The following NAF1 variants were observed in gnomAD, a reference collection of about 807,000 sequenced individuals.
The protein encoded by NAF1 is H/ACA ribonucleoprotein complex non-core subunit NAF1.
A neutral mutation model predicts 40.6 loss-of-function variants in NAF1; 11 were observed. The observed-to-expected ratio is 0.27, with a 90% CI of 0.17 to 0.45. The LOEUF is 0.45. Ranked by LOEUF, NAF1 falls within the 20% of genes least tolerant of loss-of-function variation. The pLI is 1.00. For missense variants in NAF1, 607 were observed against 611.1 expected (o/e 0.99, Z 0.07); for synonymous variants, 260 against 228.5 (o/e 1.14, Z -1.24).
chr4:163,159,210 GC>G (rs1179126144), intron 2 of NAF1, among the ~76,000 whole-genome samples: 1 of 151,970 alleles, frequency 6.6e-6, no homozygotes, highest in Non-Finnish European at 1.5e-5. Flanking sequence ...CCTCATGTAA[GC>G]TTTATTGAAA....
At chr4:163,105,292 AT>A (rs1173200322), downstream of NAF1, among the ~76,000 whole-genome samples, 1 of 152,220 alleles carries the variant, frequency 6.6e-6, no homozygotes, top group Non-Finnish European at 1.5e-5. Flanking sequence ...AATTCAGATA[AT>A]AACAGCTCTA....
chr4:163,116,795 G>A (rs938849398), intron 2 of NAF1, among the ~76,000 whole-genome samples: 1 of 152,144 alleles, frequency 6.6e-6, no homozygotes, highest in Non-Finnish European at 1.5e-5. Flanking sequence ...ACACATAAAA[G>A]ATGCAAAATA....
rs201641463 is a variant in NAF1 at position 163,141,312 on chromosome 4, C to T, written c.718-929G>A. Among the ~76,000 whole-genome samples, 16 of 152,148 alleles carry T rather than the reference C, an allele frequency of 1.1e-4. No homozygotes were observed. The East Asian group carries it at 2.1e-3, about 20-fold the overall frequency. On this transcript the variant is annotated intron_variant, in intron 4 of 7. Coordinates refer to ENST00000274054, the MANE Select transcript of NAF1 (RefSeq NM_138386.3). ...CCAGGAGGCAGAGGTTGCAGTGAACCGAGATTGTGCCATCGCACTACAGCC... is the reference window on the plus strand; with the variant it reads ...CCAGGAGGCAGAGGTTGCAGTGAACTGAGATTGTGCCATCGCACTACAGCC...
At chr4:163,158,586 TTC>T (rs1732085642) in intron 2 of NAF1, among the ~76,000 whole-genome samples, 2 of 152,128 alleles carry the variant, frequency 1.3e-5, no homozygotes, top group Non-Finnish European at 2.9e-5. Flanking sequence ...CTTGATATTT[TTC>T]TTTTTTAAAT....
In NAF1 at chr4:163,145,868, A is replaced by C. The variant is rs1248248967; in HGVS notation, c.635-4T>G. ...TTAGTCATAGATTCAATTATTACTG[A>C]AAAATAAAATAGATTACTTCAAGAT... On this transcript the variant is annotated splice_polypyrimidine_tract_variant and splice_region_variant and intron_variant, in intron 3 of 7. Coordinates refer to ENST00000274054, the MANE Select transcript of NAF1 (RefSeq NM_138386.3). 1 of 1,354,338 alleles carries C rather than the reference A, an allele frequency of 7.4e-7. No homozygotes were observed. Among genetic ancestry groups the C allele is most frequent in the African/African-American group, 1.5e-5 (1 of 68,536 alleles). 83.9% of individuals were successfully genotyped at this position (1,354,338 alleles called of 1,614,324 possible).
intron 2 of NAF1, among the ~76,000 whole-genome samples, chr4:163,152,072 T>C (rs1168598630): frequency 6.6e-6 from 1 of 152,212 alleles, no homozygotes; most frequent in Non-Finnish European, 1.5e-5. Context: ...TTTCAGATGA[T>C]ACTGGTTGAC....
In NAF1 at chr4:163,128,958, G is replaced by A. The variant is rs764862614; in HGVS notation, c.1424C>T (p.Pro475Leu). ...AGAAGAGGGTGGAGGAGGCAGTGGT[G>A]GAGGGGGAGGGGGTGGGGGTAGGGA... ...PYSLPPPPPP[P>L]PLPPPPSSGD... Residue 475 changes from proline (P) to leucine (L), a missense_variant, in exon 8 of 8, where the codon CCA becomes CTA. By Grantham distance (98) the Pro-to-Leu change is moderately conservative. Coordinates refer to ENST00000274054, the MANE Select transcript of NAF1 (RefSeq NM_138386.3). 7 of 1,451,470 alleles carry A rather than the reference G, an allele frequency of 4.8e-6. No individual in the cohort carries two copies. The highest frequency in any genetic ancestry group is 6.7e-6 in the Non-Finnish European group (7 of 1,049,390). The allele number at this position is 1,451,470 out of a possible 1,614,324, so 89.9% of individuals were successfully genotyped here.
At position 163,128,687 on chromosome 4, in the gene NAF1, T is replaced by A. The variant is rs1439766492; in HGVS notation, c.*210A>T. 9 of 1,092,780 alleles carry A rather than the reference T, an allele frequency of 8.2e-6. No homozygotes were observed. The highest frequency in any genetic ancestry group is 8.6e-5 in the South Asian group (2 of 23,290). The allele number at this position is 1,092,780 out of a possible 1,614,324, so 67.7% of individuals were successfully genotyped here. ...TTCAAAATTTTAATTAAATATTACA[T>A]AATTTAATGTTCTCCCAAGAATTTG... On this transcript the variant is annotated 3_prime_UTR_variant, in exon 8 of 8. Coordinates refer to ENST00000274054, the MANE Select transcript of NAF1 (RefSeq NM_138386.3).
At position 163,129,331 on chromosome 4, in the gene NAF1, C is replaced by T. The variant is rs367623937; in HGVS notation, c.1051G>A (p.Val351Ile). 42 of 1,608,556 alleles carry T rather than the reference C, an allele frequency of 2.6e-5. No individual in the cohort carries two copies. The highest frequency in any genetic ancestry group is 3.3e-5 in the Non-Finnish European group (39 of 1,175,350). ...FNEPGEDFTE[V>I]HQNWNAHSSA... The stretch of plus-strand genomic sequence containing the variant: ...CTATGAGCATTCCAATTCTGATGTA[C>T]TTCAGTAAAATCTTCACCTTTGAGT... The change falls in exon 8 of 8, where the codon GTA becomes ATA. Residue 351 changes from valine to isoleucine, a missense_variant. By Grantham distance (29) the Val-to-Ile change is conservative (BLOSUM62 3). This residue lies in a region of NAF1 where 189 missense variants were observed against 216.6 expected (regional missense o/e 0.87). Transcript: ENST00000274054.
intron 2 of NAF1, among the ~76,000 whole-genome samples, chr4:163,152,844 A>G (rs944527142): frequency 6.6e-6 from 1 of 152,158 alleles, no homozygotes; most frequent in Non-Finnish European, 1.5e-5. Flanking sequence ...AGAGGTGTGG[A>G]GGGAGAGGCG....
chr4:163,137,918 G>A (rs1004312256), intron 5 of NAF1, among the ~76,000 whole-genome samples: 3 of 152,128 alleles, frequency 2.0e-5, no homozygotes, highest in Non-Finnish European at 4.4e-5. Context: ...ACTTTTGGTG[G>A]AGAGTTTTAC....
chr4:163,126,046 T>C (rs1369914392), downstream of NAF1, among the ~76,000 whole-genome samples: 3 of 152,230 alleles, frequency 2.0e-5, no homozygotes, highest in South Asian at 6.2e-4. Flanking sequence ...AGATTTCTTT[T>C]GAAATGCTAC....
chr4:163,131,573 A>C (rs1445783721), intron 7 of NAF1, among the ~76,000 whole-genome samples: 1 of 152,240 alleles, frequency 6.6e-6, no homozygotes, highest in Non-Finnish European at 1.5e-5. Context: ...CTCACATTCT[A>C]TACAAAATTT....
rs766991948 is a variant in NAF1, at chr4:163,145,913, G to A, written c.635-49C>T. ...CAAGATTTACTTATAAGAGAATGTA[G>A]AATTTTAATGAAAATCTAAGCTTTA... On this transcript the variant is annotated intron_variant, in intron 3 of 7. Transcript: ENST00000274054. 4.3e-6 allele frequency: 4 copies of A among 931,256 alleles called. No homozygotes were observed. In the South Asian group the frequency reaches 5.0e-5, roughly 12 times the overall value. The allele number at this position is 931,256 out of a possible 1,614,324, so 57.7% of individuals were successfully genotyped here.
At chr4:163,106,902 T>C (rs1730057904), downstream of NAF1, among the ~76,000 whole-genome samples, 1 of 152,216 alleles carries the variant, frequency 6.6e-6, no homozygotes, top group Non-Finnish European at 1.5e-5. Context: ...GAATCCTCCA[T>C]TCTTTTCTCA....
downstream of NAF1, among the ~76,000 whole-genome samples, chr4:163,109,059 C>A (rs1397753693): frequency 1.3e-5 from 2 of 151,958 alleles, no homozygotes; most frequent in East Asian, 1.9e-4. Context: ...AACTTTCTGA[C>A]TGTACTTATC....
intron 2 of NAF1, among the ~76,000 whole-genome samples, chr4:163,118,816 C>T (rs922908567): frequency 6.6e-6 from 1 of 152,118 alleles, no homozygotes; most frequent in African/African-American, 2.4e-5. Flanking sequence ...GTCATTGCTA[C>T]TTGCCCACAT....
intron 3 of NAF1, among the ~76,000 whole-genome samples, chr4:163,146,376 T>C (rs1731470016): frequency 6.6e-6 from 1 of 152,186 alleles, no homozygotes; most frequent in Non-Finnish European, 1.5e-5. Flanking sequence ...GTAATTTTTA[T>C]CATTACATGA....
At chr4:163,122,429 C>A (rs985724304), downstream of NAF1, among the ~76,000 whole-genome samples, 7 of 152,092 alleles carry the variant, frequency 4.6e-5, no homozygotes, top group African/African-American at 1.7e-4. Flanking sequence ...TTCATTGCCC[C>A]AAAACAATGG....
Sources: gnomAD v4.1 joint callset for allele counts (sites outside exome capture counted in the v4.1 genomes callset) on GRCh38, gnomAD v4.1.1 for gene constraint, gnomAD v4.1.1 regional missense constraint, MANE v1.5 for transcripts, NCBI Gene and HGNC (gene_info 2026-07-23, HGNC 2026-07-21) for gene names.